The following MORC1 variants were observed in gnomAD, a reference collection of about 807,000 sequenced individuals.
MORC1 encodes the protein MORC family CW-type zinc finger protein 1.
Under a neutral mutation model 134.9 loss-of-function variants are expected in MORC1, and 59 were observed. The ratio of observed to expected loss-of-function variants is 0.44; its 90% confidence interval spans 0.35 to 0.54. MORC1 has a LOEUF of 0.54. MORC1 is among the 20% of genes least tolerant of loss of function. The pLI, the probability that MORC1 is intolerant of heterozygous loss-of-function variation, is 0.00. For synonymous variants in MORC1, 395 were observed against 391.7 expected (o/e 1.01, Z -0.10); for missense variants, 947 against 1,134.5 (o/e 0.83, Z 2.37).
chr3:109,000,924 T>C (rs1005833867), intron 20 of MORC1, among the ~76,000 whole-genome samples: 7 of 152,272 alleles, frequency 4.6e-5, no homozygotes, highest in Admixed American at 3.9e-4. Context: ...GCCTAGTGTG[T>C]TTATTGGACA....
intron 8 of MORC1, among the ~76,000 whole-genome samples, chr3:109,090,383 C>T (rs1203136837): frequency 6.6e-6 from 1 of 151,854 alleles, no homozygotes; most frequent in African/African-American, 2.4e-5. Context: ...TTTGGGAGGC[C>T]GAGGTGGGTG....
At chr3:108,996,525 A>G (rs963052928) in intron 21 of MORC1, among the ~76,000 whole-genome samples, 2 of 152,226 alleles carry the variant, frequency 1.3e-5, no homozygotes, top group Admixed American at 1.3e-4. Context: ...TTTTGTAAAG[A>G]AAAACTCCTC....
At chr3:109,108,940 C>G (rs561296721) in intron 3 of MORC1, among the ~76,000 whole-genome samples, 2 of 151,502 alleles carry the variant, frequency 1.3e-5, no homozygotes, top group Non-Finnish European at 2.9e-5. Context: ...ACTTAGAAAA[C>G]TGACACTGCT....
At chr3:109,032,064 C>G (rs1949253408) in intron 16 of MORC1, among the ~76,000 whole-genome samples, 1 of 152,176 alleles carries the variant, frequency 6.6e-6, no homozygotes, top group African/African-American at 2.4e-5. Flanking sequence ...AATAACCAAA[C>G]AGGAGTTATT....
rs771735378 is a variant in MORC1 at position 109,007,037 on chromosome 3, C to A, written c.1759G>T (p.Ala587Ser). The A allele has an allele frequency of 6.2e-7, 1 of 1,611,416 alleles. No individual in the cohort carries two copies. The highest frequency in any genetic ancestry group is 8.5e-7 in the Non-Finnish European group (1 of 1,178,722). Residue 587 changes from alanine to serine, a missense_variant, in exon 18 of 28, where the codon GCA becomes TCA. Physicochemically the swap from Ala to Ser is moderately conservative, Grantham distance 99. This residue lies in a region of MORC1 where 722 missense variants were observed against 817.0 expected (regional missense o/e 0.88). Transcript: ENST00000232603. ...ITVTSTCLTSAHKENTKTQKI... is the reference protein window; with the variant it reads ...ITVTSTCLTSSHKENTKTQKI... ...CTATATTAATTACTCACCTTATGTG[C>A]TGAAGTTAGGCAGGTGGAAGTGACA...
chr3:109,022,298 G>T (rs765310108), intron 17 of MORC1, among the ~76,000 whole-genome samples: 1 of 152,148 alleles, frequency 6.6e-6, no homozygotes, highest in African/African-American at 2.4e-5. Flanking sequence ...AAAAGATTAA[G>T]TTCTACATGG....
chr3:109,094,323 T>G (rs1950787758), intron 7 of MORC1, among the ~76,000 whole-genome samples: 1 of 152,202 alleles, frequency 6.6e-6, no homozygotes, highest in Non-Finnish European at 1.5e-5. Context: ...TTGGTAGTTC[T>G]TAAACACAAG....
chr3:109,002,995 T>A (rs920222340), intron 20 of MORC1, among the ~76,000 whole-genome samples: 1 of 152,156 alleles, frequency 6.6e-6, no homozygotes, highest in Non-Finnish European at 1.5e-5. Flanking sequence ...CTTCTACCAA[T>A]GTAATTACAT....
intron 18 of MORC1, among the ~76,000 whole-genome samples, chr3:109,006,532 A>G (rs952803828): frequency 6.6e-6 from 1 of 152,238 alleles, no homozygotes; most frequent in Admixed American, 6.5e-5. Context: ...AAAATTATAA[A>G]GAGTTCCATA....
At chr3:109,080,394 T>C (rs913773497) in intron 8 of MORC1, among the ~76,000 whole-genome samples, 1 of 152,094 alleles carries the variant, frequency 6.6e-6, no homozygotes, top group African/African-American at 2.4e-5. Context: ...CATGATTCAA[T>C]TACCTCCCAC....
intron 26 of MORC1, among the ~76,000 whole-genome samples, chr3:108,964,171 T>C (rs780523630): frequency 1.3e-5 from 2 of 152,262 alleles, no homozygotes; most frequent in Non-Finnish European, 2.9e-5. Context: ...GTTATGTATA[T>C]GACCCTCATT....
chr3:109,097,508 G>C (rs905034776), intron 6 of MORC1, among the ~76,000 whole-genome samples: 1 of 152,162 alleles, frequency 6.6e-6, no homozygotes, highest in South Asian at 2.1e-4. Flanking sequence ...TCTCAGAGAT[G>C]ACACAGAAGA....
chr3:109,000,767 G>A, intron 20 of MORC1, 109 bp from the exon 21 acceptor site: 1 of 766,482 alleles, frequency 1.3e-6, no homozygotes, highest in Admixed American at 2.7e-5. Flanking sequence ...GACTTTTGTA[G>A]GATATATAGC....
chr3:109,036,001 T>C (rs1390084866), intron 14 of MORC1, among the ~76,000 whole-genome samples: 1 of 152,190 alleles, frequency 6.6e-6, no homozygotes, highest in Non-Finnish European at 1.5e-5. Flanking sequence ...AAAACACTAC[T>C]CATCATGGAG....
chr3:108,963,808 T>A lies in MORC1; in HGVS notation c.2605-200A>T, dbSNP rs570362840. ...AAGACTAAGAGAGAAGAGAAAAATG[T>A]ATAATATTTCAATAATTGTAATTAT... is the stretch of plus-strand genomic sequence containing the variant. On this transcript the variant is annotated intron_variant, in intron 26 of 27. Transcript: ENST00000232603. Among the ~76,000 whole-genome samples, 4 of 152,344 alleles carry A rather than the reference T, an allele frequency of 2.6e-5. No individual in the cohort carries two copies. The East Asian group carries it at 5.8e-4, about 22-fold the overall frequency.
At chr3:108,998,623 C>T (rs770566770) in intron 21 of MORC1, among the ~76,000 whole-genome samples, 7 of 151,986 alleles carry the variant, frequency 4.6e-5, no homozygotes, top group Non-Finnish European at 7.4e-5. Flanking sequence ...GGAAGGAGCA[C>T]GGGGGATGGG....
chr3:109,001,125 T>C (rs950766321), intron 20 of MORC1, among the ~76,000 whole-genome samples: 4 of 152,114 alleles, frequency 2.6e-5, no homozygotes, highest in African/African-American at 4.8e-5. Context: ...AATTAGCTTA[T>C]CTTTCTTTTT....
At chr3:109,040,829 C>CAAAAAAAAAAA (rs59122147) in intron 14 of MORC1, among the ~76,000 whole-genome samples, 9 of 108,628 alleles carry the variant, frequency 8.3e-5, no homozygotes, top group South Asian at 2.9e-4. Context: ...AACTCTGTGT[C>CAAAAAAAAAAA]AAAAAAAAAA....
At chr3:109,067,632 C>G (rs551099872) in intron 9 of MORC1, among the ~76,000 whole-genome samples, 9 of 152,176 alleles carry the variant, frequency 5.9e-5, no homozygotes, top group African/African-American at 2.2e-4. Flanking sequence ...ATTGATTGAT[C>G]CAGGAGACAC....
Sources: gnomAD v4.1 joint callset for allele counts (sites outside exome capture counted in the v4.1 genomes callset) on GRCh38, gnomAD v4.1.1 for gene constraint, gnomAD v4.1.1 regional missense constraint, MANE v1.5 for transcripts, NCBI Gene and HGNC (gene_info 2026-07-23, HGNC 2026-07-21) for gene names.